The following DGKI variants were observed in gnomAD, a reference collection of about 807,000 sequenced individuals.
DGKI encodes diacylglycerol kinase iota, also known as DAG kinase iota.
In DGKI, 55 loss-of-function variants were observed where a neutral mutation model predicts 147.5. The ratio of observed to expected loss-of-function variants is 0.37; its 90% CI spans 0.30 to 0.47. The LOEUF (loss-of-function observed/expected upper bound fraction) is 0.47, where lower values mean the gene tolerates loss of function less well. Ranked by LOEUF, DGKI falls within the 20% of genes least tolerant of loss-of-function variation. The probability of loss-of-function intolerance (pLI) is 1.00; values close to 1 mark genes in which losing one functional copy is unlikely to be tolerated. For synonymous variants in DGKI, 469 were observed against 477.1 expected (o/e 0.98, Z 0.22); for missense variants, 1,007 against 1,323.8 (o/e 0.76, Z 3.71).
At chr7:137,628,005 T>C (rs1395977787) in intron 6 of DGKI, among the ~76,000 whole-genome samples, 1 of 152,234 alleles carries the variant, frequency 6.6e-6, no homozygotes, top group East Asian at 1.9e-4. Context: ...TACCTACTTA[T>C]GTATTTAATG....
rs1393202707 is a variant in DGKI, at chr7:137,807,102, T to C, written c.401+39360A>G. Among the ~76,000 whole-genome samples, 6 of 152,372 alleles carry C rather than the reference T, an allele frequency of 3.9e-5. No homozygotes were observed. The South Asian group carries it at 1.0e-3, about 26-fold the overall frequency. On this transcript the variant is annotated intron_variant, in intron 1 of 32. Coordinates refer to ENST00000614521, the MANE Select transcript of DGKI (RefSeq NM_001321708.2). The stretch of plus-strand genomic sequence containing the variant: ...ATGTCAGTGATCTGTTCTGTGTGAT[T>C]ACGAGATAGTTTATTTTATTTTTGC...
Position 137,789,299 on chromosome 7 carries a change from G to A in DGKI, c.401+57163C>T, listed in dbSNP as rs1796772351. 7.2e-5 allele frequency among the ~76,000 whole-genome samples: 11 copies of A among 151,902 alleles called. No homozygotes were observed. In the South Asian group the frequency reaches 2.3e-3, roughly 32 times the overall value. ...TGCAAAAGATTTGGAAGTGGGAGAGGTTTTTTTAAAAAAAATAAAATAAAA... is the reference window on the plus strand; with the variant it reads ...TGCAAAAGATTTGGAAGTGGGAGAGATTTTTTTAAAAAAAATAAAATAAAA... On this transcript the variant is annotated intron_variant, in intron 1 of 32. Coordinates refer to ENST00000614521, the MANE Select transcript of DGKI (RefSeq NM_001321708.2).
At chr7:137,451,065 G>A (rs537566080) in intron 27 of DGKI, among the ~76,000 whole-genome samples, 9 of 152,264 alleles carry the variant, frequency 5.9e-5, no homozygotes, top group Admixed American at 1.3e-4. Flanking sequence ...GTCATATTAT[G>A]TATCCAAAAG....
intron 30 of DGKI, among the ~76,000 whole-genome samples, chr7:137,403,578 A>G (rs578185343): frequency 3.9e-5 from 6 of 152,310 alleles, no homozygotes; most frequent in African/African-American, 1.4e-4. Context: ...GAAGCAAAGG[A>G]AGTGTCAACT....
chr7:137,497,148 T>C (rs1342672951), intron 21 of DGKI, among the ~76,000 whole-genome samples: 2 of 149,332 alleles, frequency 1.3e-5, no homozygotes, highest in Non-Finnish European at 3.0e-5. Flanking sequence ...AACAGACATA[T>C]TTCAAAAGAA....
intron 20 of DGKI, among the ~76,000 whole-genome samples, chr7:137,530,510 C>A (rs1457934934): frequency 6.6e-6 from 1 of 152,170 alleles, no homozygotes; most frequent in Non-Finnish European, 1.5e-5. Flanking sequence ...CATGATATGA[C>A]AATGTTGCTC....
intron 1 of DGKI, among the ~76,000 whole-genome samples, chr7:137,800,433 G>A (rs1797165276): frequency 6.6e-6 from 1 of 151,952 alleles, no homozygotes; most frequent in South Asian, 2.1e-4. Flanking sequence ...AAAACTGTGT[G>A]CTACCTCCCC....
At chr7:137,743,916 G>T (rs1481524046) in intron 1 of DGKI, among the ~76,000 whole-genome samples, 3 of 151,256 alleles carry the variant, frequency 2.0e-5, no homozygotes, top group Non-Finnish European at 2.9e-5. Flanking sequence ...TCGGGAGGCA[G>T]AGGTTGCAGT....
In DGKI at chr7:137,678,593, G is replaced by T. The variant is rs750982510; in HGVS notation, c.570C>A (p.Cys190Ter). Residue 190 changes from cysteine to a stop codon, truncating the protein, a stop_gained, in exon 3 of 33, where the codon TGC (cysteine) becomes TGA (stop). Coordinates refer to ENST00000614521, the MANE Select transcript of DGKI (RefSeq NM_001321708.2). LOFTEE classifies it high-confidence loss of function. ...WLETNVSGDL[C>*]YLGEENCQVR... ...CTTGGCAGTTCTCCTCTCCAAGGTA[G>T]CAGAGGTCTCCCGAGACGTTGGTCT... The T allele has an allele frequency of 1.2e-6, 2 of 1,614,132 alleles. No individual in the cohort carries two copies. The highest frequency in any genetic ancestry group is 1.7e-6 in the Non-Finnish European group (2 of 1,180,020).
intron 14 of DGKI, among the ~76,000 whole-genome samples, chr7:137,582,195 T>C (rs1266026648): frequency 2.0e-5 from 3 of 152,188 alleles, no homozygotes; most frequent in Non-Finnish European, 4.4e-5. Flanking sequence ...GAATCATTTT[T>C]ATAGATGCTG....
At chr7:137,634,419 T>C (rs1054976485) in intron 6 of DGKI, among the ~76,000 whole-genome samples, 4 of 152,242 alleles carry the variant, frequency 2.6e-5, no homozygotes, top group African/African-American at 7.2e-5. Flanking sequence ...GGTTGTGCTA[T>C]CTGCAAGAGG....
At chr7:137,517,297 AAG>A (rs1259734876) in intron 21 of DGKI, among the ~76,000 whole-genome samples, 23 of 135,656 alleles carry the variant, frequency 1.7e-4, no homozygotes, top group African/African-American at 6.2e-4. Context: ...GAAAGAAAGA[AAG>A]AAAGAAAGAA....
chr7:137,765,715 C>T (rs59512157), intron 1 of DGKI, among the ~76,000 whole-genome samples: 8,549 of 152,180 alleles, frequency 0.056, 570 homozygotes, highest in African/African-American at 0.17. Flanking sequence ...AATCCCACGT[C>T]GTTTACTAAA....
intron 1 of DGKI, among the ~76,000 whole-genome samples, chr7:137,753,425 C>T (rs142627434): frequency 1.9e-3 from 282 of 152,222 alleles, no homozygotes; most frequent in African/African-American, 6.4e-3. Flanking sequence ...AGGAATTTTG[C>T]GAGGGTTCCA....
intron 14 of DGKI, 34 bp from the exon 15 acceptor site, chr7:137,581,962 T>C: frequency 6.4e-7 from 1 of 1,568,622 alleles, no homozygotes; most frequent in Non-Finnish European, 8.8e-7. Flanking sequence ...GGCAAAATTT[T>C]GTGTGGCCAG....
chr7:137,624,484 A>G (rs1444555814), intron 6 of DGKI, among the ~76,000 whole-genome samples: 1 of 152,230 alleles, frequency 6.6e-6, no homozygotes, highest in Non-Finnish European at 1.5e-5. Context: ...TTAAGTTGAA[A>G]ATCAATTACC....
At chr7:137,485,941 A>G (rs1198255911) in intron 22 of DGKI, among the ~76,000 whole-genome samples, 1 of 152,132 alleles carries the variant, frequency 6.6e-6, no homozygotes, top group South Asian at 2.1e-4. Flanking sequence ...ACATTATCAC[A>G]AAGTGCAAAT....
chr7:137,756,185 C>T (rs1230653714), intron 1 of DGKI, among the ~76,000 whole-genome samples: 1 of 152,150 alleles, frequency 6.6e-6, no homozygotes, highest in African/African-American at 2.4e-5. Flanking sequence ...GATCTCTCTC[C>T]TGTTTCCAAG....
intron 2 of DGKI, among the ~76,000 whole-genome samples, chr7:137,687,598 T>C (rs1178844564): frequency 1.3e-5 from 2 of 152,224 alleles, no homozygotes; most frequent in Non-Finnish European, 2.9e-5. Context: ...ATCGGCTTTT[T>C]CCTCTTTTCT....
Sources: gnomAD v4.1 joint callset for allele counts (sites outside exome capture counted in the v4.1 genomes callset) on GRCh38, gnomAD v4.1.1 for gene constraint, MANE v1.5 for transcripts, NCBI Gene and HGNC (gene_info 2026-07-23, HGNC 2026-07-21) for gene names.